Variants in SERPINI2 observed in about 807,000 individuals in gnomAD.
The protein encoded by SERPINI2 is serpin family I member 2, also known as serpin I2.
A neutral mutation model predicts 47.3 loss-of-function variants in SERPINI2; 48 were observed. The observed-to-expected ratio is 1.02, with a 90% CI of 0.81 to 1.29. The LOEUF (loss-of-function observed/expected upper bound fraction) is 1.29. SERPINI2 is among the 50% of genes most tolerant of loss of function. The probability of loss-of-function intolerance (pLI) is 0.00; values close to 1 mark genes in which losing one functional copy is unlikely to be tolerated. For missense variants in SERPINI2, 448 were observed against 456.9 expected (o/e 0.98, Z 0.18); for synonymous variants, 135 against 149.3 (o/e 0.90, Z 0.70).
intron 7 of SERPINI2, among the ~76,000 whole-genome samples, chr3:167,448,830 A>C (rs920446358): frequency 2.0e-5 from 3 of 152,188 alleles, no homozygotes; most frequent in Admixed American, 2.0e-4. Context: ...TTGACTGGGC[A>C]TAGGAGTTTT....
exon 4 of SERPINI2, chr3:167,465,584 T>C (rs776955725): frequency 6.2e-7 from 1 of 1,613,830 alleles, no homozygotes; most frequent in South Asian, 1.1e-5. Context: ...AATTTCTGTT[T>C]CCAATCTCCT....
chr3:167,459,424 A>G (rs1286686249), intron 5 of SERPINI2, among the ~76,000 whole-genome samples: 1 of 152,154 alleles, frequency 6.6e-6, no homozygotes, highest in Non-Finnish European at 1.5e-5. Flanking sequence ...TACTACATTT[A>G]GACAAAGTAA....
intron 8 of SERPINI2, among the ~76,000 whole-genome samples, chr3:167,442,944 A>G (rs1440805163): frequency 2.6e-5 from 4 of 152,244 alleles, no homozygotes; most frequent in African/African-American, 9.6e-5. Context: ...CAAATTTTGC[A>G]TAATTTTAAA....
chr3:167,467,317 T>C (rs1335192407), intron 2 of SERPINI2, 32 bp from the exon 3 acceptor site: 2 of 1,470,982 alleles, frequency 1.4e-6, no homozygotes, highest in South Asian at 1.2e-5. Flanking sequence ...TATTGGCATA[T>C]TGAACAACAT....
exon 2 of SERPINI2, chr3:167,471,736 A>G (rs1475835639): frequency 1.2e-6 from 2 of 1,613,728 alleles, no homozygotes; most frequent in African/African-American, 2.7e-5. Flanking sequence ...CCTCTTGATA[A>G]AGATCCACTG....
At chr3:167,461,913 G>A (rs913156289) in intron 5 of SERPINI2, among the ~76,000 whole-genome samples, 7 of 147,282 alleles carry the variant, frequency 4.8e-5, no homozygotes, top group Non-Finnish European at 1.0e-4. Flanking sequence ...AGCCACATCT[G>A]GCAACTATAG....
At chr3:167,475,536 A>C (rs1392977455), upstream of SERPINI2, among the ~76,000 whole-genome samples, 1 of 151,848 alleles carries the variant, frequency 6.6e-6, no homozygotes, top group Non-Finnish European at 1.5e-5. Context: ...AGAGCAGTTC[A>C]GGCAGAATGT....
Position 167,465,414 on chromosome 3 carries a change from T to C in SERPINI2, c.674-16A>G, listed in dbSNP as rs1268329006. On this transcript the variant is annotated splice_polypyrimidine_tract_variant and intron_variant, in intron 4 of 8. Transcript: ENST00000264677. The stretch of plus-strand genomic sequence containing the variant: ...GAAAAATAACCTGGAATAGACAAAA[T>C]AAAATATCAAATATACTTGGCAATT... 2 of 1,601,674 alleles carry C rather than the reference T, an allele frequency of 1.2e-6. No homozygotes were observed. The highest frequency in any genetic ancestry group is 2.3e-5 in the South Asian group (2 of 88,428).
chr3:167,449,603 T>C (rs1749588430), intron 6 of SERPINI2, among the ~76,000 whole-genome samples: 1 of 152,168 alleles, frequency 6.6e-6, no homozygotes, highest in South Asian at 2.1e-4. Context: ...CAAACGATTC[T>C]ACCATTCAGC....
At chr3:167,462,776 A>T (rs1346698265) in intron 5 of SERPINI2, among the ~76,000 whole-genome samples, 2 of 152,230 alleles carry the variant, frequency 1.3e-5, no homozygotes, top group Middle Eastern at 3.4e-3. Flanking sequence ...CCAAACGTTC[A>T]AAGTTGTCTA....
At chr3:167,466,172 C>G (rs1030651702) in intron 3 of SERPINI2, among the ~76,000 whole-genome samples, 18 of 152,192 alleles carry the variant, frequency 1.2e-4, no homozygotes, top group Middle Eastern at 3.4e-3. Flanking sequence ...TCTCCTATTT[C>G]TATGTCCAGT....
rs1577180197 is a variant in SERPINI2 at position 167,472,015 on chromosome 3, T to G, written c.-10-171A>C. ...ATCATCTATTCAGAAAAATAGTTCATGTGTTAATGGTATTTCTTACATATC... is the reference window on the plus strand; with the variant it reads ...ATCATCTATTCAGAAAAATAGTTCAGGTGTTAATGGTATTTCTTACATATC... On this transcript the variant is annotated intron_variant, in intron 1 of 8. Transcript: ENST00000264677. 2.5e-5 allele frequency: 14 copies of G among 550,182 alleles called. No homozygotes were observed. In the East Asian group the frequency reaches 3.9e-4, roughly 15 times the overall value. The allele number at this position is 550,182 out of a possible 1,614,324, so 34.1% of individuals were successfully genotyped here.
At chr3:167,454,631 C>T (rs1163098251) in intron 5 of SERPINI2, among the ~76,000 whole-genome samples, 1 of 152,126 alleles carries the variant, frequency 6.6e-6, no homozygotes, top group East Asian at 1.9e-4. Flanking sequence ...TACTGCAAGA[C>T]TTATTACAAC....
chr3:167,453,175 C>T (rs890986479), intron 5 of SERPINI2, 142 bp from the exon 6 acceptor site: 1 of 501,932 alleles, frequency 2.0e-6, no homozygotes, highest in African/African-American at 2.0e-5. Context: ...TCACATTTCA[C>T]ACCATTTTCC....
At chr3:167,455,462 GA>G (rs369795454) in intron 5 of SERPINI2, among the ~76,000 whole-genome samples, 2 of 151,674 alleles carry the variant, frequency 1.3e-5, no homozygotes, top group African/African-American at 4.8e-5. Context: ...CTTGTTTAAT[GA>G]AAAAAAGTCT....
chr3:167,461,765 C>T (rs182077471), intron 5 of SERPINI2, among the ~76,000 whole-genome samples: 5 of 152,076 alleles, frequency 3.3e-5, no homozygotes, highest in Admixed American at 2.6e-4. Flanking sequence ...CACACACCAC[C>T]GTGTCCAACT....
intron 5 of SERPINI2, among the ~76,000 whole-genome samples, chr3:167,464,073 C>T (rs13086459): frequency 0.097 from 12,900 of 133,158 alleles, 601 homozygotes; most frequent in Non-Finnish European, 0.12. Context: ...AGTGCAGTGG[C>T]GCAGTCTCAG....
intron 5 of SERPINI2, among the ~76,000 whole-genome samples, chr3:167,463,029 A>G (rs1750026597): frequency 6.6e-6 from 1 of 152,150 alleles, no homozygotes; most frequent in Admixed American, 6.5e-5. Context: ...AGCAATAAGT[A>G]TCATTATCCA....
intron 5 of SERPINI2, among the ~76,000 whole-genome samples, chr3:167,463,433 G>A (rs73173014): frequency 9.2e-5 from 14 of 152,214 alleles, no homozygotes; most frequent in Non-Finnish European, 2.1e-4. Flanking sequence ...AGAGTAAGAG[G>A]AGGAAAATTC....
Sources: gnomAD v4.1 joint callset for allele counts (sites outside exome capture counted in the v4.1 genomes callset) on GRCh38, gnomAD v4.1.1 for gene constraint, MANE v1.5 for transcripts, NCBI Gene and HGNC (gene_info 2026-07-23, HGNC 2026-07-21) for gene names.